SRXN1: variants seen among roughly 807,000 people sequenced by gnomAD.
SRXN1 encodes the protein sulfiredoxin 1.
A neutral mutation model predicts 11.0 loss-of-function variants in SRXN1; 11 were observed. That is an observed-to-expected ratio of 1.00 (90% confidence interval 0.63 to 1.65). The LOEUF (loss-of-function observed/expected upper bound fraction) is 1.65, where lower values mean the gene tolerates loss of function less well. Ranked by LOEUF, SRXN1 falls within the 40% of genes most tolerant of loss-of-function variation. The pLI is 0.00. For missense variants in SRXN1, 211 were observed against 194.5 expected (o/e 1.08, Z -0.50); for synonymous variants, 106 against 92.8 (o/e 1.14, Z -0.82).
rs1983555461 is a variant in SRXN1, at chr20:647,195, C to G, written c.*1519G>C. The G allele has an allele frequency of 6.6e-6, 1 of 152,290 alleles. No homozygotes were observed. The highest frequency in any genetic ancestry group is 6.5e-5 in the Admixed American group (1 of 15,280). The allele number at this position is 152,290 out of a possible 1,614,324, so 9.4% of individuals were successfully genotyped here. ...CCCATGGAGAGACTCACTTCCTGCC[C>G]CAACACCTCTTCCCCTAGACCCTGA... On this transcript the variant is annotated 3_prime_UTR_variant, in exon 2 of 2. Coordinates refer to ENST00000381962, the MANE Select transcript of SRXN1 (RefSeq NM_080725.3).
chr20:648,046 G>C lies in SRXN1; in HGVS notation c.*668C>G, dbSNP rs920592221. ...ATCTAAGTGAAGATATGCAGAGGGA[G>C]AGAGCAGGAAACAGACTTCTGACGA... On this transcript the variant is annotated 3_prime_UTR_variant, in exon 2 of 2. Transcript: ENST00000381962. 1 of 455,964 alleles carries C rather than the reference G, an allele frequency of 2.2e-6. No homozygotes were observed. The highest frequency in any genetic ancestry group is 4.4e-6 in the Non-Finnish European group (1 of 226,850). 28.2% of individuals were successfully genotyped at this position (455,964 alleles called of 1,614,324 possible).
Position 647,956 on chromosome 20 carries a change from G to A in SRXN1, c.*758C>T. ...TGGTCTATTCAGCCATGACAATTCT[G>A]TTCCCTGCTGTCTTAGCTTTGTTTG... On this transcript the variant is annotated 3_prime_UTR_variant, in exon 2 of 2. Transcript: ENST00000381962. 1 of 405,760 alleles carries A rather than the reference G, an allele frequency of 2.5e-6. No individual in the cohort carries two copies. The highest frequency in any genetic ancestry group is 2.7e-5 in the Admixed American group (1 of 37,488). The allele number at this position is 405,760 out of a possible 1,614,324, so 25.1% of individuals were successfully genotyped here.
rs1983548821 is a variant in SRXN1 at position 646,920 on chromosome 20, A to C, written c.*1794T>G. ...TTTCAATTCTATTACTGGTCACCTC[A>C]GTCAACTTTCCCGGGGAAAGAGAAT... On this transcript the variant is annotated 3_prime_UTR_variant, in exon 2 of 2. Transcript: ENST00000381962. 6.6e-6 allele frequency: 1 copy of C among 152,224 alleles called. No individual in the cohort carries two copies. Among genetic ancestry groups the C allele is most frequent in the Non-Finnish European group, 1.5e-5 (1 of 68,042 alleles). 9.4% of individuals were successfully genotyped at this position (152,224 alleles called of 1,614,324 possible).
At chr20:651,972 CT>C (rs1983685206) in intron 1 of SRXN1, among the ~76,000 whole-genome samples, 1 of 152,228 alleles carries the variant, frequency 6.6e-6, no homozygotes, top group African/African-American at 2.4e-5. Flanking sequence ...GGTCCTCGCC[CT>C]TGTGGAGTGC....
chr20:653,163 G>T lies in SRXN1; in HGVS notation c.23C>A (p.Thr8Lys). 2 of 1,275,456 alleles carry T rather than the reference G, an allele frequency of 1.6e-6. No homozygotes were observed. Among genetic ancestry groups the T allele is most frequent in the Non-Finnish European group, 2.0e-6 (2 of 1,014,286 alleles). The allele number at this position is 1,275,456 out of a possible 1,614,324, so 79.0% of individuals were successfully genotyped here. The change falls in exon 1 of 2, where the codon ACG becomes AAG. Residue 8 changes from threonine to lysine, a missense_variant. Transcript: ENST00000381962. ...CCGACCCGCGCCGGCCCTGCCCAGC[G>T]TTCCTCCTGCACGCAGCCCCATCGT... is the stretch of plus-strand genomic sequence containing the variant. MGLRAGG[T>K]LGRAGAGRGA...
chr20:649,341 G>A (rs1983615362), intron 1 of SRXN1, among the ~76,000 whole-genome samples: 1 of 152,212 alleles, frequency 6.6e-6, no homozygotes, highest in Admixed American at 6.5e-5. Flanking sequence ...AATAACACAG[G>A]TGACAGGACA....
chr20:652,513 A>G (rs1983699392), intron 1 of SRXN1, among the ~76,000 whole-genome samples: 1 of 152,136 alleles, frequency 6.6e-6, no homozygotes, highest in Non-Finnish European at 1.5e-5. Flanking sequence ...ATGAGAGCCC[A>G]CGGCTTATCT....
chr20:651,550 G>A (rs1183852197), intron 1 of SRXN1, among the ~76,000 whole-genome samples: 1 of 152,156 alleles, frequency 6.6e-6, no homozygotes, highest in African/African-American at 2.4e-5. Context: ...CAGGCGTGGT[G>A]GTGGGCGCCT....
At position 647,593 on chromosome 20, in the gene SRXN1, GAGGAGAACCA is replaced by G. The variant is rs1001033636; in HGVS notation, c.*1111_*1120del. ...GCTAGCCTGCTGGAGAGGCCACATG[GAGGAGAACCA>G]AGCAATTCCAGCCAACAGCCTGTCA... On this transcript the variant is annotated 3_prime_UTR_variant, in exon 2 of 2. Coordinates refer to ENST00000381962, the MANE Select transcript of SRXN1 (RefSeq NM_080725.3). The G allele has an allele frequency of 1.6e-5, 3 of 182,038 alleles. No individual in the cohort carries two copies. Among genetic ancestry groups the G allele is most frequent in the Non-Finnish European group, 3.5e-5 (3 of 85,938 alleles). 11.3% of individuals were successfully genotyped at this position (182,038 alleles called of 1,614,324 possible). A position where few individuals can be genotyped will look rare whatever the true frequency, so the allele number is the denominator to read the frequency against.
chr20:652,472 C>G (rs1983696809), intron 1 of SRXN1, among the ~76,000 whole-genome samples: 1 of 152,166 alleles, frequency 6.6e-6, no homozygotes, highest in South Asian at 2.1e-4. Context: ...ATATGACACA[C>G]CTAGTCCCAC....
Position 648,331 on chromosome 20 carries a change from C to T in SRXN1, c.*383G>A, listed in dbSNP as rs1390835293. The T allele has an allele frequency of 2.1e-6, 1 of 468,694 alleles. No homozygotes were observed. The highest frequency in any genetic ancestry group is 4.2e-6 in the Non-Finnish European group (1 of 235,672). 29.0% of individuals were successfully genotyped at this position (468,694 alleles called of 1,614,324 possible). A position where few individuals can be genotyped will look rare whatever the true frequency, so the allele number is the denominator to read the frequency against. ...AAAACAATCTTCTGTTTGTTTAAAC[C>T]ACTGCAATCAAGGTTTTCCTTTCCT... is the stretch of plus-strand genomic sequence containing the variant. On this transcript the variant is annotated 3_prime_UTR_variant, in exon 2 of 2. Transcript: ENST00000381962.
rs1205453024 is a variant in SRXN1 at position 653,196 on chromosome 20, G to C, written c.-11C>G. 8.2e-7 allele frequency: 1 copy of C among 1,225,322 alleles called. No individual in the cohort carries two copies. The highest frequency in any genetic ancestry group is 1.6e-5 in the African/African-American group (1 of 62,228). The allele number at this position is 1,225,322 out of a possible 1,614,324, so 75.9% of individuals were successfully genotyped here. A position where few individuals can be genotyped will look rare whatever the true frequency, so the allele number is the denominator to read the frequency against. ...TGCACGCAGCCCCATCGTCGCCGCC[G>C]CCGCGGGACTCGCCGCCTCCCCCCG... On this transcript the variant is annotated 5_prime_UTR_variant, in exon 1 of 2. Coordinates refer to ENST00000381962, the MANE Select transcript of SRXN1 (RefSeq NM_080725.3).
At chr20:652,835 T>C in intron 1 of SRXN1, 141 bp downstream of exon 1, 1 of 1,261,172 alleles carries the variant, frequency 7.9e-7, no homozygotes, top group Non-Finnish European at 1.0e-6. Flanking sequence ...AGCTACTTGC[T>C]CAAGGTCACA....
intron 1 of SRXN1, among the ~76,000 whole-genome samples, chr20:652,351 G>A (rs1157547756): frequency 1.3e-5 from 2 of 152,072 alleles, no homozygotes; most frequent in African/African-American, 4.8e-5. Context: ...GTTCTTGCGG[G>A]GCCCCCAAGT....
intron 1 of SRXN1, 47 bp downstream of exon 1, chr20:652,929 T>G (rs1389281818): frequency 7.4e-6 from 10 of 1,356,980 alleles, no homozygotes; most frequent in Non-Finnish European, 9.6e-6. Flanking sequence ...GCAACCTCCC[T>G]CCTCCGAAGC....
Position 648,669 on chromosome 20 carries a change from T to G in SRXN1, c.*45A>C. 1 of 1,604,308 alleles carries G rather than the reference T, an allele frequency of 6.2e-7. No individual in the cohort carries two copies. The highest frequency in any genetic ancestry group is 8.5e-7 in the Non-Finnish European group (1 of 1,171,636). On this transcript the variant is annotated 3_prime_UTR_variant, in exon 2 of 2. Coordinates refer to ENST00000381962, the MANE Select transcript of SRXN1 (RefSeq NM_080725.3). ...GGCCCAGCCTGCTGGAGGCCAGGTG[T>G]GTCTTCTGGGCTCTTGAAGGTGGCA...
At chr20:652,102 C>T (rs892709127) in intron 1 of SRXN1, among the ~76,000 whole-genome samples, 2 of 152,162 alleles carry the variant, frequency 1.3e-5, no homozygotes, top group African/African-American at 2.4e-5. Flanking sequence ...GCTAGAGAGG[C>T]CAGTGACTCT....
At position 648,996 on chromosome 20, in the gene SRXN1, T is replaced by C. The variant is rs572527906; in HGVS notation, c.211-79A>G. ...TAAAGCAGACTTTGTCCACTTGTGC[T>C]GAGCTCCTTATAAGGTGATCACACT... On this transcript the variant is annotated intron_variant, in intron 1 of 1. Coordinates refer to ENST00000381962, the MANE Select transcript of SRXN1 (RefSeq NM_080725.3). The C allele has an allele frequency of 8.1e-6, 12 of 1,482,976 alleles. No individual in the cohort carries two copies. In the East Asian group the frequency reaches 2.4e-4, roughly 29 times the overall value. 91.9% of individuals were successfully genotyped at this position (1,482,976 alleles called of 1,614,324 possible).
Position 648,407 on chromosome 20 carries a change from G to T in SRXN1, c.*307C>A. On this transcript the variant is annotated 3_prime_UTR_variant, in exon 2 of 2. Transcript: ENST00000381962. ...AGGTTACATAGACAAAAATGCAGAGGGATCCTTGTCCTTGGGAATTTGGAG... is the reference window on the plus strand; with the variant it reads ...AGGTTACATAGACAAAAATGCAGAGTGATCCTTGTCCTTGGGAATTTGGAG... The T allele has an allele frequency of 1.8e-6, 1 of 561,946 alleles. No individual in the cohort carries two copies. Among genetic ancestry groups the T allele is most frequent in the Non-Finnish European group, 3.4e-6 (1 of 295,580 alleles). The allele number at this position is 561,946 out of a possible 1,614,324, so 34.8% of individuals were successfully genotyped here.
Sources: gnomAD v4.1 joint callset for allele counts (sites outside exome capture counted in the v4.1 genomes callset) on GRCh38, gnomAD v4.1.1 for gene constraint, MANE v1.5 for transcripts, NCBI Gene and HGNC (gene_info 2026-07-23, HGNC 2026-07-21) for gene names.